Variants in FOXN3 observed in about 807,000 individuals in gnomAD.
The protein encoded by FOXN3 is forkhead box N3.
In FOXN3, 7 loss-of-function variants were observed where a neutral mutation model predicts 38.4. The observed-to-expected ratio is 0.18, with a 90% CI of 0.10 to 0.34. The LOEUF (loss-of-function observed/expected upper bound fraction) is 0.34, where lower values mean the gene tolerates loss of function less well. Ranked by LOEUF, FOXN3 falls within the 10% of genes least tolerant of loss-of-function variation. The pLI, the probability that FOXN3 is intolerant of heterozygous loss-of-function variation, is 1.00. For missense variants in FOXN3, 456 were observed against 613.4 expected (o/e 0.74, Z 2.71); for synonymous variants, 230 against 242.2 (o/e 0.95, Z 0.47).
intron 1 of FOXN3, among the ~76,000 whole-genome samples, chr14:89,514,630 C>T (rs554554899): frequency 2.0e-5 from 3 of 152,228 alleles, no homozygotes; most frequent in South Asian, 4.1e-4. Context: ...GCTTGTGCCC[C>T]GACTGTCAGG....
chr14:89,568,993 A>G (rs1895428122), intron 1 of FOXN3, among the ~76,000 whole-genome samples: 1 of 152,214 alleles, frequency 6.6e-6, no homozygotes, highest in African/African-American at 2.4e-5. Context: ...TCACGAGGTC[A>G]GGAGATCGAG....
intron 1 of FOXN3, among the ~76,000 whole-genome samples, chr14:89,594,809 C>T (rs891751303): frequency 6.6e-6 from 1 of 151,978 alleles, no homozygotes; most frequent in African/African-American, 2.4e-5. Flanking sequence ...TCACCTGAAT[C>T]CGGGAGGCAG....
intron 1 of FOXN3, among the ~76,000 whole-genome samples, chr14:89,533,991 G>T (rs959936326): frequency 6.6e-6 from 1 of 151,882 alleles, no homozygotes; most frequent in Non-Finnish European, 1.5e-5. Flanking sequence ...AGAAGCCTTG[G>T]TAAGTGTCAC....
chr14:89,264,919 C>G (rs1885923053), intron 4 of FOXN3, among the ~76,000 whole-genome samples: 1 of 152,222 alleles, frequency 6.6e-6, no homozygotes, highest in Non-Finnish European at 1.5e-5. Flanking sequence ...ACAACAGCTT[C>G]CATATATTCA....
At chr14:89,352,543 C>T (rs550165610) in intron 2 of FOXN3, among the ~76,000 whole-genome samples, 2 of 152,230 alleles carry the variant, frequency 1.3e-5, no homozygotes, top group East Asian at 1.9e-4. Context: ...CAAAGGCTCC[C>T]GGTGGAGCCC....
chr14:89,403,321 G>A (rs1012145658), intron 2 of FOXN3, among the ~76,000 whole-genome samples: 3 of 152,114 alleles, frequency 2.0e-5, no homozygotes, highest in African/African-American at 7.2e-5. Context: ...CCAGCCTCAG[G>A]AGAGTAGCTG....
chr14:89,363,965 T>TATATATATATATATATA (rs1890019802), intron 2 of FOXN3, among the ~76,000 whole-genome samples: 41 of 39,594 alleles, frequency 1.0e-3, no homozygotes, highest in Non-Finnish European at 2.7e-4. Context: ...TATATATATA[T>TATATATATATATATATA]ATATATATAT....
Position 89,180,778 on chromosome 14 carries a change from C to T in FOXN3, c.774G>A (p.Ala258=), listed in dbSNP as rs138265175. The change falls in exon 5 of 6, where the codon GCG becomes GCA. Residue 258 remains alanine (A), a synonymous_variant. Coordinates refer to ENST00000557258, the MANE Select transcript of FOXN3 (RefSeq NM_005197.4). ...QVPPGVIQNG[A]RVLSRGLFPG... ...GAAACAGCCCTCGGCTCAGGACCCG[C>T]GCTCCATTTTGGATCACTCCTGGAG... 35 of 1,612,238 alleles carry T rather than the reference C, an allele frequency of 2.2e-5. No individual in the cohort carries two copies. In the African/African-American group the frequency reaches 3.5e-4, roughly 16 times the overall value.
intron 1 of FOXN3, among the ~76,000 whole-genome samples, chr14:89,430,937 T>G (rs952720769): frequency 6.6e-6 from 1 of 152,220 alleles, no homozygotes; most frequent in Non-Finnish European, 1.5e-5. Flanking sequence ...TGATAAATCA[T>G]GCGTTGCAGG....
At chr14:89,563,061 T>C (rs1895282440) in intron 1 of FOXN3, among the ~76,000 whole-genome samples, 1 of 152,186 alleles carries the variant, frequency 6.6e-6, no homozygotes, top group Non-Finnish European at 1.5e-5. Context: ...TAGTATCAGG[T>C]TCTATCCTGT....
intron 3 of FOXN3, among the ~76,000 whole-genome samples, chr14:89,313,026 G>C (rs1357073141): frequency 6.6e-6 from 1 of 152,156 alleles, no homozygotes; most frequent in Non-Finnish European, 1.5e-5. Flanking sequence ...CTCTAGAACA[G>C]TCCCTCAGCA....
chr14:89,310,164 AC>A (rs1234896026), intron 3 of FOXN3, among the ~76,000 whole-genome samples: 13 of 152,360 alleles, frequency 8.5e-5, no homozygotes, highest in African/African-American at 3.1e-4. Context: ...ATCCTCTGCT[AC>A]AATGAATAGC....
At chr14:89,323,784 G>A (rs1887963926) in intron 3 of FOXN3, among the ~76,000 whole-genome samples, 1 of 152,072 alleles carries the variant, frequency 6.6e-6, no homozygotes, top group Non-Finnish European at 1.5e-5. Flanking sequence ...CGATCTAAAG[G>A]AGCAGGCACA....
At chr14:89,439,672 T>C (rs1167723097) in intron 1 of FOXN3, among the ~76,000 whole-genome samples, 3 of 151,242 alleles carry the variant, frequency 2.0e-5, no homozygotes, top group Non-Finnish European at 4.4e-5. Context: ...TTTTTTTTTT[T>C]TGAGACGGAG....
At chr14:89,273,057 T>G (rs1471887497) in intron 4 of FOXN3, among the ~76,000 whole-genome samples, 1 of 152,230 alleles carries the variant, frequency 6.6e-6, no homozygotes, top group Admixed American at 6.5e-5. Flanking sequence ...GAGCCGCTGC[T>G]TCTTCATGGC....
At chr14:89,459,764 T>A (rs753746782) in intron 1 of FOXN3, among the ~76,000 whole-genome samples, 12 of 152,054 alleles carry the variant, frequency 7.9e-5, no homozygotes, top group Non-Finnish European at 1.6e-4. Flanking sequence ...CTCAGGTACA[T>A]CCATAAACCC....
intron 1 of FOXN3, among the ~76,000 whole-genome samples, chr14:89,443,088 G>A (rs1215147223): frequency 1.3e-5 from 2 of 152,196 alleles, no homozygotes; most frequent in Non-Finnish European, 2.9e-5. Context: ...ATGGAGCCCA[G>A]CAAGTAAAAT....
At chr14:89,184,783 T>C (rs955962078) in intron 4 of FOXN3, among the ~76,000 whole-genome samples, 10 of 152,206 alleles carry the variant, frequency 6.6e-5, no homozygotes, top group Non-Finnish European at 1.5e-4. Flanking sequence ...GCTGGCTCGT[T>C]ATGTAAGCTC....
intron 4 of FOXN3, among the ~76,000 whole-genome samples, chr14:89,256,602 C>G (rs1885629237): frequency 6.6e-6 from 1 of 152,208 alleles, no homozygotes; most frequent in Non-Finnish European, 1.5e-5. Context: ...CCTTCCTCTT[C>G]CCACTGAGCA....
Sources: allele counts gnomAD v4.1 joint callset (sites outside exome capture counted in the v4.1 genomes callset), GRCh38; gene constraint gnomAD v4.1.1; transcripts MANE v1.5; gene names NCBI Gene and HGNC (gene_info 2026-07-23, HGNC 2026-07-21).